CACNA2D1: variants seen among roughly 807,000 people sequenced by gnomAD.
The protein encoded by CACNA2D1 is voltage-dependent calcium channel subunit alpha-2/delta-1.
A neutral mutation model predicts 171.5 loss-of-function variants in CACNA2D1; 53 were observed. The observed-to-expected ratio is 0.31, with a 90% CI of 0.25 to 0.39. The LOEUF (loss-of-function observed/expected upper bound fraction) is 0.39, where lower values mean the gene tolerates loss of function less well. Ranked by LOEUF, CACNA2D1 falls within the 10% of genes least tolerant of loss-of-function variation. The pLI, the probability that CACNA2D1 is intolerant of heterozygous loss-of-function variation, is 1.00. For missense variants in CACNA2D1, 903 were observed against 1,299.8 expected, an observed-to-expected ratio of 0.69 and a Z score of 4.69; for synonymous variants, 442 against 443.1, an observed-to-expected ratio of 1.00 and a Z score of 0.03.
chr7:82,089,242 AT>A (rs1810846083), intron 6 of CACNA2D1, among the ~76,000 whole-genome samples: 1 of 152,172 alleles, frequency 6.6e-6, no homozygotes, highest in Non-Finnish European at 1.5e-5. Flanking sequence ...TGAGTGTTCA[AT>A]ATTTTTTCAC....
In CACNA2D1 at chr7:82,007,695, T is replaced by G; in HGVS notation, c.1424A>C (p.Asn475Thr). Residue 475 changes from asparagine to threonine, a missense_variant, in exon 16 of 39, where the codon AAT becomes ACT. By Grantham distance (65) the Asn-to-Thr change is moderately conservative (BLOSUM62 0). Transcript: ENST00000356860. ...ACTTTTAACCTTTAAGTTTGTCTTATTTTCAAATTGGCCGGTTATGTTGAA... is the reference window on the plus strand; with the variant it reads ...ACTTTTAACCTTTAAGTTTGTCTTAGTTTCAAATTGGCCGGTTATGTTGAA... ...PVFNITGQFE[N>T]KTNLKNQLIL... 6.3e-7 allele frequency: 1 copy of G among 1,579,128 alleles called. No individual in the cohort carries two copies. Among genetic ancestry groups the G allele is most frequent in the Non-Finnish European group, 8.7e-7 (1 of 1,148,622 alleles).
chr7:81,964,996 G>A (rs766969928), intron 32 of CACNA2D1, among the ~76,000 whole-genome samples: 3 of 151,786 alleles, frequency 2.0e-5, no homozygotes, highest in Admixed American at 6.6e-5. Context: ...CCTAGAAAAC[G>A]AACTTGTAGG....
chr7:82,211,943 G>C (rs953680105), intron 3 of CACNA2D1, among the ~76,000 whole-genome samples: 1 of 152,028 alleles, frequency 6.6e-6, no homozygotes, highest in African/African-American at 2.4e-5. Context: ...GTATGAGAGG[G>C]TACCTCATCG....
At chr7:81,955,974 A>ATTTTTTTTTTTTT (rs1793253408) in intron 38 of CACNA2D1, among the ~76,000 whole-genome samples, 1 of 71,352 alleles carries the variant, frequency 1.4e-5, no homozygotes, top group Non-Finnish European at 2.6e-5. Context: ...ATATATATAT[A>ATTTTTTTTTTTTT]TATATATTTT....
intron 3 of CACNA2D1, among the ~76,000 whole-genome samples, chr7:82,231,729 C>T (rs1802955548): frequency 6.6e-6 from 1 of 152,092 alleles, no homozygotes; most frequent in African/African-American, 2.4e-5. Context: ...ATCATAAAAA[C>T]ATTAAAGAAA....
chr7:82,129,890 G>A (rs892880616), intron 5 of CACNA2D1, among the ~76,000 whole-genome samples: 2 of 152,176 alleles, frequency 1.3e-5, no homozygotes, highest in African/African-American at 2.4e-5. Context: ...TAAAACATTT[G>A]GTCCTGCCAC....
At chr7:82,357,641 A>G (rs888289153) in intron 1 of CACNA2D1, among the ~76,000 whole-genome samples, 7 of 150,756 alleles carry the variant, frequency 4.6e-5, no homozygotes, top group Non-Finnish European at 8.9e-5. Flanking sequence ...TTCCACTAGC[A>G]ATTGTCACAG....
intron 10 of CACNA2D1, among the ~76,000 whole-genome samples, chr7:82,050,055 C>G (rs977333245): frequency 1.3e-5 from 2 of 152,106 alleles, no homozygotes; most frequent in African/African-American, 4.8e-5. Flanking sequence ...AGTTCCTTAT[C>G]TAAAAAAGCC....
At chr7:81,973,991 A>C (rs1795569375) in intron 25 of CACNA2D1, among the ~76,000 whole-genome samples, 2 of 152,034 alleles carry the variant, frequency 1.3e-5, no homozygotes, top group African/African-American at 4.8e-5. Context: ...TGATCAAAAT[A>C]GAATGTCAGG....
chr7:82,047,597 T>C (rs1008869857), intron 10 of CACNA2D1, among the ~76,000 whole-genome samples: 3 of 152,100 alleles, frequency 2.0e-5, no homozygotes. Flanking sequence ...CTGACATCCA[T>C]CTAGTACATT....
chr7:82,343,163 G>A (rs184282768), intron 2 of CACNA2D1: 7 of 152,136 alleles, frequency 4.6e-5, no homozygotes, highest in African/African-American at 7.2e-5. Flanking sequence ...CCAAACTCAC[G>A]AGTCTCCCTA....
At chr7:81,960,765 T>C (rs1398330336) in intron 36 of CACNA2D1, among the ~76,000 whole-genome samples, 1 of 151,650 alleles carries the variant, frequency 6.6e-6, no homozygotes, top group Non-Finnish European at 1.5e-5. Flanking sequence ...TGTCAATTAA[T>C]AAAAGGCCAA....
intron 1 of CACNA2D1, among the ~76,000 whole-genome samples, chr7:82,378,854 A>G (rs1585722191): frequency 6.6e-6 from 1 of 152,032 alleles, no homozygotes; most frequent in East Asian, 1.9e-4. Context: ...TTTCATATTC[A>G]TATTCAATTT....
chr7:82,129,028 A>C (rs1373828414), intron 5 of CACNA2D1, among the ~76,000 whole-genome samples: 1 of 152,136 alleles, frequency 6.6e-6, no homozygotes, highest in East Asian at 1.9e-4. Context: ...GCATGCCAAA[A>C]TTTATCTGTA....
At chr7:82,389,688 C>T (rs1824871116) in intron 1 of CACNA2D1, among the ~76,000 whole-genome samples, 1 of 152,090 alleles carries the variant, frequency 6.6e-6, no homozygotes, top group African/African-American at 2.4e-5. Flanking sequence ...ATTAGAAACC[C>T]CCAGTCTCTG....
At chr7:82,427,416 G>A (rs1388548946) in intron 1 of CACNA2D1, among the ~76,000 whole-genome samples, 1 of 152,168 alleles carries the variant, frequency 6.6e-6, no homozygotes, top group Non-Finnish European at 1.5e-5. Context: ...GAAATAGGAG[G>A]TGAGCAATTA....
chr7:81,952,765 C>G (rs1391071267), intron 38 of CACNA2D1, among the ~76,000 whole-genome samples: 1 of 152,008 alleles, frequency 6.6e-6, no homozygotes, highest in Non-Finnish European at 1.5e-5. Context: ...AATCCCCAGT[C>G]CTATGGCTTT....
intron 6 of CACNA2D1, among the ~76,000 whole-genome samples, chr7:82,091,713 G>A (rs1017125595): frequency 2.6e-5 from 4 of 152,160 alleles, no homozygotes; most frequent in Non-Finnish European, 5.9e-5. Flanking sequence ...AAATATAGGA[G>A]CCCCAAGGTC....
intron 24 of CACNA2D1, among the ~76,000 whole-genome samples, chr7:81,975,726 C>A (rs1425885067): frequency 6.6e-6 from 1 of 152,010 alleles, no homozygotes. Context: ...GTACAACTTC[C>A]AAATAATGAC....
Sources: gnomAD v4.1 joint callset for allele counts (sites outside exome capture counted in the v4.1 genomes callset) on GRCh38, gnomAD v4.1.1 for gene constraint, MANE v1.5 for transcripts, NCBI Gene and HGNC (gene_info 2026-07-23, HGNC 2026-07-21) for gene names.